CCDC125: variants seen among roughly 807,000 people sequenced by gnomAD.
CCDC125 encodes coiled-coil domain containing 125.
Under a neutral mutation model 57.4 loss-of-function variants are expected in CCDC125, and 43 were observed. The ratio of observed to expected loss-of-function variants is 0.75; its 90% CI spans 0.59 to 0.97. CCDC125 has a LOEUF of 0.97. CCDC125 is among the 50% of genes least tolerant of loss of function. The pLI, the probability that CCDC125 is intolerant of heterozygous loss-of-function variation, is 0.00. For missense variants in CCDC125, 563 were observed against 595.7 expected (o/e 0.95, Z 0.57); for synonymous variants, 187 against 195.2 (o/e 0.96, Z 0.35).
chr5:69,315,774 A>AAAAAAAG (rs1561469101), intron 2 of CCDC125, among the ~76,000 whole-genome samples: 2 of 141,454 alleles, frequency 1.4e-5, no homozygotes. Context: ...AAAAAAAAAA[A>AAAAAAAG]AAAAGAAACC....
intron 2 of CCDC125, among the ~76,000 whole-genome samples, chr5:69,319,482 CTTT>C (rs1280719685): frequency 1.4e-5 from 2 of 138,050 alleles, no homozygotes; most frequent in Non-Finnish European, 1.6e-5. Flanking sequence ...ACATCGACTA[CTTT>C]TTTTTTTTTT....
chr5:69,307,739 C>A, intron 5 of CCDC125: 1 of 540,002 alleles, frequency 1.9e-6, no homozygotes, highest in Non-Finnish European at 3.3e-6. Context: ...CCTCCTACTA[C>A]CTTAACATGG....
intron 8 of CCDC125, among the ~76,000 whole-genome samples, chr5:69,297,690 A>G (rs1028102310): frequency 2.0e-5 from 3 of 150,644 alleles, no homozygotes; most frequent in South Asian, 2.1e-4. Context: ...TGGGCTAGGT[A>G]TGGTGGCTCA....
In CCDC125 at chr5:69,302,933, ATAGG is replaced by A. The variant is rs558905304; in HGVS notation, c.700+910_700+913del. Among the ~76,000 whole-genome samples the A allele has an allele frequency of 1.7e-3, 259 of 152,278 alleles. 1 individual carries two copies. Among genetic ancestry groups the A allele is most frequent in the African/African-American group, 5.9e-3 (244 of 41,568 alleles). ...GGAGAAAATGGGGAGAAATTGCTTA[ATAGG>A]TAGGAGATTTTACTTTGGAGTACTG... On this transcript the variant is annotated intron_variant, in intron 7 of 11. Transcript: ENST00000396496.
At chr5:69,297,625 C>T (rs1218251158) in intron 8 of CCDC125, among the ~76,000 whole-genome samples, 1 of 151,490 alleles carries the variant, frequency 6.6e-6, no homozygotes, top group Non-Finnish European at 1.5e-5. Context: ...CCGCAAAGTG[C>T]TGGGATTACA....
At position 69,282,693 on chromosome 5, in the gene CCDC125, AAAC is replaced by A. The variant is rs775315552; in HGVS notation, c.*33_*35del. The A allele has an allele frequency of 4.0e-6, 6 of 1,495,282 alleles. No homozygotes were observed. The South Asian group carries it at 6.7e-5, about 17-fold the overall frequency. The allele number at this position is 1,495,282 out of a possible 1,614,324, so 92.6% of individuals were successfully genotyped here. A position where few individuals can be genotyped will look rare whatever the true frequency, so the allele number is the denominator to read the frequency against. On this transcript the variant is annotated 3_prime_UTR_variant, in exon 12 of 12. Transcript: ENST00000396496. ...ATCATTTTTCAAAGTATCTCGATATAAACAACTCTCAGTTCCAATTTCAACTGG... is the reference window on the plus strand; with the variant it reads ...ATCATTTTTCAAAGTATCTCGATATAAACTCTCAGTTCCAATTTCAACTGG...
intron 2 of CCDC125, among the ~76,000 whole-genome samples, chr5:69,315,445 AAAAACAAAAAAAAAAAC>A (rs761570355): frequency 0.14 from 4,194 of 29,076 alleles, 440 homozygotes; most frequent in East Asian, 0.45. Context: ...CTCAAAAAAA[AAAAACAAAAAAAAAAAC>A]AAAAAAAAAA....
At chr5:69,290,609 C>CT (rs893445352) in intron 10 of CCDC125, among the ~76,000 whole-genome samples, 25 of 120,600 alleles carry the variant, frequency 2.1e-4, no homozygotes, top group Non-Finnish European at 1.8e-4. Flanking sequence ...GGCCAGGTTT[C>CT]TTTTTTTTTT....
chr5:69,298,118 C>T (rs1487184515), intron 8 of CCDC125, among the ~76,000 whole-genome samples: 5 of 151,664 alleles, frequency 3.3e-5, no homozygotes, highest in South Asian at 2.1e-4. Context: ...CGGGTTCAAG[C>T]GATTCTCCTG....
intron 2 of CCDC125, among the ~76,000 whole-genome samples, chr5:69,318,546 C>A (rs1393414830): frequency 6.8e-6 from 1 of 148,052 alleles, no homozygotes; most frequent in Non-Finnish European, 1.5e-5. Context: ...AGTTTGAAAC[C>A]AACCTGGCCA....
At chr5:69,296,028 C>T (rs1015343045) in intron 8 of CCDC125, among the ~76,000 whole-genome samples, 10 of 151,828 alleles carry the variant, frequency 6.6e-5, no homozygotes, top group Non-Finnish European at 1.5e-5. Flanking sequence ...GGACTACAGG[C>T]GCCACCACGC....
the CCDC125 span, chr5:69,273,130 T>A: frequency 1.1e-6 from 1 of 935,602 alleles, no homozygotes; most frequent in South Asian, 2.6e-5. Context: ...AAAATTAACA[T>A]TTTTTAAATA....
At chr5:69,301,072 C>T (rs68083627) in intron 7 of CCDC125, among the ~76,000 whole-genome samples, 55,471 of 132,624 alleles carry the variant, frequency 0.42, 11,895 homozygotes, top group Admixed American at 0.46. Flanking sequence ...CTAGCCTGGG[C>T]GACAGAGCAA....
At chr5:69,286,707 C>T (rs1753544463) in intron 10 of CCDC125, among the ~76,000 whole-genome samples, 1 of 151,950 alleles carries the variant, frequency 6.6e-6, no homozygotes, top group Non-Finnish European at 1.5e-5. Flanking sequence ...TCAGATTGTA[C>T]AAGGAAAATT....
chr5:69,297,908 A>G (rs1436777131), intron 8 of CCDC125, among the ~76,000 whole-genome samples: 1 of 151,740 alleles, frequency 6.6e-6, no homozygotes, highest in Non-Finnish European at 1.5e-5. Flanking sequence ...AGGAGGTCTA[A>G]GCTGCAGTGA....
intron 4 of CCDC125, chr5:69,308,252 CAAAG>C (rs2150492240): frequency 1.8e-6 from 1 of 570,880 alleles, no homozygotes; most frequent in South Asian, 2.1e-5. Context: ...ATTTTCCACA[CAAAG>C]AAAGTGTTCA....
chr5:69,328,879 C>T (rs1008229975), intron 1 of CCDC125, among the ~76,000 whole-genome samples: 2 of 151,694 alleles, frequency 1.3e-5, no homozygotes, highest in Admixed American at 6.6e-5. Flanking sequence ...CTGCCAGCTC[C>T]GCCTCCTGGG....
At chr5:69,307,154 G>A (rs1481201686) in intron 5 of CCDC125, among the ~76,000 whole-genome samples, 2 of 152,022 alleles carry the variant, frequency 1.3e-5, no homozygotes, top group African/African-American at 2.4e-5. Context: ...AAAATTTGCT[G>A]GGCTGCTACA....
chr5:69,314,987 G>T (rs1286249301), intron 2 of CCDC125, among the ~76,000 whole-genome samples: 1 of 152,156 alleles, frequency 6.6e-6, no homozygotes, highest in Non-Finnish European at 1.5e-5. Flanking sequence ...CAGGCACAGT[G>T]GCTCACACCT....
Sources: allele counts gnomAD v4.1 joint callset (sites outside exome capture counted in the v4.1 genomes callset), GRCh38; gene constraint gnomAD v4.1.1; transcripts MANE v1.5; gene names NCBI Gene and HGNC (gene_info 2026-07-23, HGNC 2026-07-21).